Variants in FAM168B observed in about 807,000 individuals in gnomAD.
FAM168B encodes the protein family with sequence similarity 168 member B, also known as myelin-associated neurite-outgrowth inhibitor.
A neutral mutation model predicts 21.8 loss-of-function variants in FAM168B; 19 were observed. The ratio of observed to expected loss-of-function variants is 0.87; its 90% CI spans 0.61 to 1.28. The LOEUF (loss-of-function observed/expected upper bound fraction) is 1.28. FAM168B is among the 50% of genes most tolerant of loss of function. The pLI is 0.00. For synonymous variants in FAM168B, 126 were observed against 104.8 expected (o/e 1.20, Z -1.24); for missense variants, 233 against 263.1 (o/e 0.89, Z 0.79).
intron 2 of FAM168B, among the ~76,000 whole-genome samples, chr2:131,076,636 G>C (rs901777168): frequency 7.4e-6 from 1 of 134,994 alleles, no homozygotes; most frequent in African/African-American, 2.9e-5. Context: ...CTGGGCAACA[G>C]AGCAAGACTC....
At chr2:131,078,817 C>A (rs1482712300) in intron 2 of FAM168B, among the ~76,000 whole-genome samples, 2 of 151,524 alleles carry the variant, frequency 1.3e-5, no homozygotes, top group Non-Finnish European at 2.9e-5. Context: ...CCGATCTCTA[C>A]AAAAATTAAA....
chr2:131,058,673 G>A (rs1002355967), intron 3 of FAM168B, among the ~76,000 whole-genome samples: 1 of 152,126 alleles, frequency 6.6e-6, no homozygotes, highest in African/African-American at 2.4e-5. Context: ...AGCAGAATAC[G>A]CAGATTTTCC....
intron 3 of FAM168B, among the ~76,000 whole-genome samples, chr2:131,070,765 G>A (rs1692833622): frequency 6.6e-6 from 1 of 152,142 alleles, no homozygotes; most frequent in African/African-American, 2.4e-5. Flanking sequence ...CGAGATGGAT[G>A]GTTCTTTCAA....
At position 131,092,806 on chromosome 2, in the gene FAM168B, C is replaced by CA. The variant is rs200528457; in HGVS notation, c.-12+407dup. 5.7e-3 allele frequency among the ~76,000 whole-genome samples: 848 copies of CA among 148,206 alleles called. 6 individuals carry two copies. Among genetic ancestry groups the CA allele is most frequent in the African/African-American group, 0.019 (758 of 38,888 alleles). On this transcript the variant is annotated intron_variant, in intron 1 of 6. Coordinates refer to ENST00000389915, the MANE Select transcript of FAM168B (RefSeq NM_001009993.4). ...AGGAGAACGCTCAGATTCCGCCAAG[C>CA]AAAAAAATAAAAATAAAAATTATCT...
chr2:131,078,711 G>A (rs1002617974), intron 2 of FAM168B, among the ~76,000 whole-genome samples: 4 of 152,248 alleles, frequency 2.6e-5, no homozygotes, highest in Admixed American at 6.5e-5. Flanking sequence ...ATTCTAGGCC[G>A]GGCACAGTGG....
At chr2:131,067,292 T>C (rs1302543255) in intron 3 of FAM168B, among the ~76,000 whole-genome samples, 1 of 152,090 alleles carries the variant, frequency 6.6e-6, no homozygotes, top group Non-Finnish European at 1.5e-5. Flanking sequence ...AGACATCTCA[T>C]CACAAGGGTC....
chr2:131,075,290 A>AG (rs200259951), intron 2 of FAM168B, among the ~76,000 whole-genome samples: 19 of 151,452 alleles, frequency 1.3e-4, no homozygotes. Flanking sequence ...AAAAAAAAAA[A>AG]GTTTCAACTA....
In FAM168B at chr2:131,068,754, G is replaced by A. The variant is rs559511835; in HGVS notation, c.154+3101C>T. ...TGACAAGCTGGGCATGGTAGCTCAC[G>A]GCTATAATCCCAGCACTTTGGAAGG... On this transcript the variant is annotated intron_variant, in intron 3 of 6. Coordinates refer to ENST00000389915, the MANE Select transcript of FAM168B (RefSeq NM_001009993.4). Among the ~76,000 whole-genome samples the A allele has an allele frequency of 5.3e-5, 8 of 152,254 alleles. No homozygotes were observed. In the East Asian group the frequency reaches 9.6e-4, roughly 18 times the overall value.
chr2:131,084,052 G>A lies in FAM168B; in HGVS notation c.-11-1395C>T, dbSNP rs573609875. On this transcript the variant is annotated intron_variant, in intron 1 of 6. Transcript: ENST00000389915. Reference sequence around the variant, plus strand: ...CGCATAGCAGGGACTACAGGCGTGCGCCACCACACCCAGCTAATTTTTGTA... The same window carrying A: ...CGCATAGCAGGGACTACAGGCGTGCACCACCACACCCAGCTAATTTTTGTA... Among the ~76,000 whole-genome samples, 27 of 151,436 alleles carry A rather than the reference G, an allele frequency of 1.8e-4. No individual in the cohort carries two copies. The South Asian group carries it at 2.5e-3, about 14-fold the overall frequency.
chr2:131,068,688 T>C (rs543744057), intron 3 of FAM168B, among the ~76,000 whole-genome samples: 15 of 152,238 alleles, frequency 9.9e-5, no homozygotes, highest in Non-Finnish European at 2.1e-4. Context: ...AACACAGGCC[T>C]TACCTCCCTA....
intron 3 of FAM168B, among the ~76,000 whole-genome samples, chr2:131,068,999 G>A (rs146745396): frequency 1.3e-5 from 2 of 152,182 alleles, no homozygotes; most frequent in East Asian, 1.9e-4. Context: ...CTGGGCGACA[G>A]AGCAAGACCC....
In FAM168B at chr2:131,049,043, A is replaced by T; in HGVS notation, c.*3422T>A. On this transcript the variant is annotated 3_prime_UTR_variant, in exon 7 of 7. Coordinates refer to ENST00000389915, the MANE Select transcript of FAM168B (RefSeq NM_001009993.4). ...TTTTAAAGCAGACACCAATACTTAC[A>T]TAACTAGTACATGTTGGCCTTTCAC... 1 of 985,466 alleles carries T rather than the reference A, an allele frequency of 1.0e-6. No individual in the cohort carries two copies. Among genetic ancestry groups the T allele is most frequent in the African/African-American group, 1.7e-5 (1 of 57,368 alleles). 61.0% of individuals were successfully genotyped at this position (985,466 alleles called of 1,614,324 possible).
In FAM168B at chr2:131,048,065, G is replaced by GT. The variant is rs1231694380; in HGVS notation, c.*4399dup. 2.1e-5 allele frequency: 13 copies of GT among 610,300 alleles called. No individual in the cohort carries two copies. The highest frequency in any genetic ancestry group is 1.7e-4 in the African/African-American group (9 of 51,580). 37.8% of individuals were successfully genotyped at this position (610,300 alleles called of 1,614,324 possible). Reference sequence around the variant, plus strand: ...AAATTCCATTCCTTGGCATGGATACGTAAGTTCAATGCAGAGGTGAGGGAT... The same window carrying GT: ...AAATTCCATTCCTTGGCATGGATACGTTAAGTTCAATGCAGAGGTGAGGGAT... On this transcript the variant is annotated 3_prime_UTR_variant, in exon 7 of 7. Coordinates refer to ENST00000389915, the MANE Select transcript of FAM168B (RefSeq NM_001009993.4).
At chr2:131,084,825 T>TG (rs1196782810) in intron 1 of FAM168B, among the ~76,000 whole-genome samples, 4 of 152,008 alleles carry the variant, frequency 2.6e-5, no homozygotes, top group African/African-American at 9.7e-5. Flanking sequence ...CAAGCTTAAG[T>TG]GATCTTCCCA....
At chr2:131,083,872 C>CTGTA (rs1330980817) in intron 1 of FAM168B, among the ~76,000 whole-genome samples, 3 of 144,058 alleles carry the variant, frequency 2.1e-5, no homozygotes, top group South Asian at 4.3e-4. Context: ...TTGCAATTTC[C>CTGTA]TGTATTTATT....
At chr2:131,065,807 G>GAAAAAAAAAAAAAAAAAAAAAA (rs796177546) in intron 3 of FAM168B, among the ~76,000 whole-genome samples, 2 of 94,822 alleles carry the variant, frequency 2.1e-5, no homozygotes, top group Non-Finnish European at 4.6e-5. Context: ...AAGAAAAAAA[G>GAAAAAAAAAAAAAAAAAAAAAA]AAAAAAAAAA....
intron 2 of FAM168B, among the ~76,000 whole-genome samples, chr2:131,073,187 G>A (rs1380423130): frequency 6.6e-6 from 1 of 151,736 alleles, no homozygotes. Context: ...CCGCCTCCTG[G>A]GTTCAAGCAT....
At chr2:131,089,731 AG>A (rs1170088679) in intron 1 of FAM168B, among the ~76,000 whole-genome samples, 1 of 140,724 alleles carries the variant, frequency 7.1e-6, no homozygotes, top group African/African-American at 2.7e-5. Flanking sequence ...AAAAAAAAAA[AG>A]AAAGAAAAAA....
At chr2:131,061,782 G>GAAA (rs112944472) in intron 3 of FAM168B, among the ~76,000 whole-genome samples, 1 of 129,910 alleles carries the variant, frequency 7.7e-6, no homozygotes. Context: ...ACCCTGTCTC[G>GAAA]AAAAAAAAAA....
Sources: gnomAD v4.1 joint callset for allele counts (sites outside exome capture counted in the v4.1 genomes callset) on GRCh38, gnomAD v4.1.1 for gene constraint, MANE v1.5 for transcripts, NCBI Gene and HGNC (gene_info 2026-07-23, HGNC 2026-07-21) for gene names.